The following CSMD2 variants were observed in gnomAD, a reference collection of about 807,000 sequenced individuals.
CSMD2 encodes CUB and Sushi multiple domains 2.
A neutral mutation model predicts 398.5 loss-of-function variants in CSMD2; 130 were observed. The ratio of observed to expected loss-of-function variants is 0.33; its 90% confidence interval spans 0.28 to 0.38. The LOEUF (loss-of-function observed/expected upper bound fraction) is 0.38, where lower values mean the gene tolerates loss of function less well. Ranked by LOEUF, CSMD2 falls within the 10% of genes least tolerant of loss-of-function variation. The probability of loss-of-function intolerance (pLI) is 1.00; values close to 1 mark genes in which losing one functional copy is unlikely to be tolerated. For missense variants in CSMD2, 3,829 were observed against 4,764.9 expected, an observed-to-expected ratio of 0.80 and a Z score of 5.78; for synonymous variants, 1,828 against 1,908.5, an observed-to-expected ratio of 0.96 and a Z score of 1.10.
intron 52 of CSMD2, 71 bp from the exon 53 acceptor site, chr1:33,567,912 G>C (rs6703172): frequency 0.21 from 319,140 of 1,510,532 alleles, 34,583 homozygotes; most frequent in South Asian, 0.27. Context: ...CTCTCCCTGA[G>C]AGTAGCAATC....
chr1:34,023,574 C>T (rs1286804134), intron 3 of CSMD2, among the ~76,000 whole-genome samples: 1 of 152,150 alleles, frequency 6.6e-6, no homozygotes, highest in Non-Finnish European at 1.5e-5. Flanking sequence ...AGTGATAGTT[C>T]TTGCCCTCGG....
intron 1 of CSMD2, among the ~76,000 whole-genome samples, chr1:34,154,597 G>A (rs1489346275): frequency 6.6e-6 from 1 of 152,230 alleles, no homozygotes; most frequent in Non-Finnish European, 1.5e-5. Context: ...TGAGCATGGT[G>A]AGATATGCAA....
chr1:34,025,286 T>A (rs1649495098), intron 3 of CSMD2, among the ~76,000 whole-genome samples: 1 of 152,090 alleles, frequency 6.6e-6, no homozygotes, highest in South Asian at 2.1e-4. Flanking sequence ...GAAGTGACAC[T>A]AAGTGGAGCA....
At chr1:34,095,508 G>A (rs988902452) in intron 1 of CSMD2, among the ~76,000 whole-genome samples, 86 of 151,656 alleles carry the variant, frequency 5.7e-4, no homozygotes, top group African/African-American at 1.9e-3. Flanking sequence ...TAGATAGACC[G>A]CTAGCAAGAC....
chr1:34,035,742 A>AT (rs1209215246), intron 2 of CSMD2, among the ~76,000 whole-genome samples: 2 of 152,180 alleles, frequency 1.3e-5, no homozygotes. Context: ...CATCTACAAA[A>AT]AAAAAAAAAC....
chr1:33,834,231 C>A (rs879814877), intron 6 of CSMD2, among the ~76,000 whole-genome samples: 5,403 of 87,004 alleles, frequency 0.062, 481 homozygotes, highest in African/African-American at 0.2. Flanking sequence ...GGAGGCATCA[C>A]GCTACCTGAC....
intron 1 of CSMD2, among the ~76,000 whole-genome samples, chr1:34,092,857 G>C (rs559492969): frequency 1.2e-3 from 180 of 152,288 alleles, no homozygotes; most frequent in South Asian, 2.3e-3. Flanking sequence ...GCCCAGGCTT[G>C]CTTAGGTAAA....
rs541148694 is a variant in CSMD2 at position 33,749,546 on chromosome 1, C to T, written c.1847-5940G>A. 2.6e-5 allele frequency among the ~76,000 whole-genome samples: 4 copies of T among 151,690 alleles called. No homozygotes were observed. In the East Asian group the frequency reaches 5.8e-4, roughly 22 times the overall value. On this transcript the variant is annotated intron_variant, in intron 13 of 70. Transcript: ENST00000373381. ...AAAAGTTACCAAAAGAATAACTGAA[C>T]ATGATTAAGGAGAGAAGAGAGAATA...
intron 3 of CSMD2, among the ~76,000 whole-genome samples, chr1:33,999,165 G>T (rs1646818591): frequency 6.6e-6 from 1 of 152,088 alleles, no homozygotes; most frequent in Admixed American, 6.5e-5. Context: ...AAGCTGCATA[G>T]AAATCCTCTT....
intron 64 of CSMD2, among the ~76,000 whole-genome samples, chr1:33,531,976 CAAT>C (rs915492201): frequency 1.3e-5 from 2 of 152,138 alleles, no homozygotes; most frequent in African/African-American, 4.8e-5. Flanking sequence ...TATTCTATCA[CAAT>C]AAAAACTTAA....
rs1362195800 is a variant in CSMD2 at position 34,163,258 on chromosome 1, C to T, written c.187+1653G>A. 6.6e-6 allele frequency among the ~76,000 whole-genome samples: 1 copy of T among 152,254 alleles called. No individual in the cohort carries two copies. On this transcript the variant is annotated intron_variant, in intron 1 of 70. Coordinates refer to ENST00000373381, the MANE Select transcript of CSMD2 (RefSeq NM_001281956.2). The surrounding 1 kb of genome is among the most constrained non-coding windows in gnomAD (Gnocchi z 5.4). The stretch of plus-strand genomic sequence containing the variant: ...TTCCCCCACCGCCCATGTGGCAAGT[C>T]TGGGTGACCAGCAGCGTCGGTATGC...
At chr1:33,550,474 G>T in intron 55 of CSMD2, 124 bp from the exon 56 acceptor site, 2 of 996,006 alleles carry the variant, frequency 2.0e-6, no homozygotes, top group Non-Finnish European at 2.9e-6. Context: ...ATCTGTTGAA[G>T]CAAACTTCCT....
chr1:33,519,523 C>G lies in CSMD2; in HGVS notation c.10891G>C (p.Val3631Leu). The change falls in exon 70 of 71, where the codon GTA (valine) becomes CTA (leucine). Residue 3631 changes from valine (V) to leucine (L), a missense_variant. Transcript: ENST00000373381. This position sits in a 1 kb window ranked among gnomAD's most constrained non-coding sequence, Gnocchi z 5.6. ...EFTVSTVCTA[V>L] ...GTGGCGGCCAGGCCGGGTGGCTATA[C>G]TGCTGTGCACACTGTGCTGACTGTG... 2 of 1,613,624 alleles carry G rather than the reference C, an allele frequency of 1.2e-6. No homozygotes were observed. The highest frequency in any genetic ancestry group is 1.7e-6 in the Non-Finnish European group (2 of 1,179,974).
At chr1:33,950,409 G>GAA (rs1205571072) in intron 3 of CSMD2, among the ~76,000 whole-genome samples, 1 of 152,064 alleles carries the variant, frequency 6.6e-6, no homozygotes, top group East Asian at 1.9e-4. Context: ...GAGAGAGAGA[G>GAA]AGAGAGAGAG....
At chr1:34,135,804 C>T (rs1638692410) in intron 1 of CSMD2, among the ~76,000 whole-genome samples, 1 of 151,708 alleles carries the variant, frequency 6.6e-6, no homozygotes, top group Non-Finnish European at 1.5e-5. Context: ...TACAATGATC[C>T]CATTTTTGTG....
chr1:33,765,163 G>A (rs919633950), intron 13 of CSMD2, among the ~76,000 whole-genome samples: 1 of 152,176 alleles, frequency 6.6e-6, no homozygotes, highest in African/African-American at 2.4e-5. Context: ...TTTAACAGGA[G>A]TGCACATACA....
chr1:33,942,947 C>A (rs186691324), intron 3 of CSMD2, among the ~76,000 whole-genome samples: 10 of 152,332 alleles, frequency 6.6e-5, no homozygotes, highest in African/African-American at 2.4e-4. Context: ...GACTTCTGTG[C>A]CCAACTCTGA....
At chr1:33,801,276 G>A (rs1655574484) in intron 10 of CSMD2, among the ~76,000 whole-genome samples, 1 of 152,100 alleles carries the variant, frequency 6.6e-6, no homozygotes, top group African/African-American at 2.4e-5. Context: ...CAAATCAAGT[G>A]AGGCTCATGT....
intron 13 of CSMD2, among the ~76,000 whole-genome samples, chr1:33,762,847 G>A (rs918974422): frequency 6.6e-6 from 1 of 152,178 alleles, no homozygotes; most frequent in African/African-American, 2.4e-5. Flanking sequence ...CACTTGCCCG[G>A]TGCTGAGTGT....
Sources: gnomAD v4.1 joint callset for allele counts (sites outside exome capture counted in the v4.1 genomes callset) on GRCh38, gnomAD v4.1.1 for gene constraint, Gnocchi (gnomAD v3.1) non-coding constraint, MANE v1.5 for transcripts, NCBI Gene and HGNC (gene_info 2026-07-23, HGNC 2026-07-21) for gene names.